Variants in LHFPL3 observed in about 807,000 individuals in gnomAD.
LHFPL3 encodes the protein LHFPL tetraspan subfamily member 3 protein.
Under a neutral mutation model 19.3 loss-of-function variants are expected in LHFPL3, and 5 were observed. The observed-to-expected ratio is 0.26, with a 90% CI of 0.14 to 0.54. The LOEUF (loss-of-function observed/expected upper bound fraction) is 0.54. Among genes scored for constraint, LHFPL3 ranks in the 20% least tolerant of loss-of-function variants. The pLI is 0.94. For missense variants in LHFPL3, 249 were observed against 307.4 expected (o/e 0.81, Z 1.42); for synonymous variants, 133 against 126.2 (o/e 1.05, Z -0.36).
chr7:104,829,174 C>A (rs1331383960), intron 2 of LHFPL3, among the ~76,000 whole-genome samples: 1 of 151,876 alleles, frequency 6.6e-6, no homozygotes, highest in Non-Finnish European at 1.5e-5. Context: ...TTAAGAGCCT[C>A]CCATGAGGAG....
intron 2 of LHFPL3, among the ~76,000 whole-genome samples, chr7:104,868,604 T>C (rs1315233309): frequency 1.3e-5 from 2 of 152,180 alleles, no homozygotes; most frequent in Non-Finnish European, 2.9e-5. Context: ...GAACATTCCA[T>C]GCTCATGGGT....
chr7:104,335,706 A>AGGCTTACTC (rs1789792470), intron 1 of LHFPL3, among the ~76,000 whole-genome samples: 1 of 152,206 alleles, frequency 6.6e-6, no homozygotes. Context: ...GTCTAACCAG[A>AGGCTTACTC]ATGTGGTATC....
At chr7:104,581,327 G>A (rs1790456640) in intron 1 of LHFPL3, among the ~76,000 whole-genome samples, 1 of 152,000 alleles carries the variant, frequency 6.6e-6, no homozygotes, top group Admixed American at 6.6e-5. Flanking sequence ...ATCTATTTTT[G>A]TGAAGTGTTT....
intron 1 of LHFPL3, among the ~76,000 whole-genome samples, chr7:104,450,969 G>A (rs1403491896): frequency 6.6e-6 from 1 of 152,120 alleles, no homozygotes; most frequent in Non-Finnish European, 1.5e-5. Context: ...GAATGGATGT[G>A]GCTCCTACAA....
chr7:104,645,587 A>G (rs1791916566), intron 1 of LHFPL3, among the ~76,000 whole-genome samples: 1 of 151,338 alleles, frequency 6.6e-6, no homozygotes, highest in African/African-American at 2.4e-5. Context: ...AATGTACCAA[A>G]GGTGCATGTC....
intron 1 of LHFPL3, among the ~76,000 whole-genome samples, chr7:104,431,993 T>C (rs1224148279): frequency 1.3e-5 from 2 of 152,182 alleles, no homozygotes; most frequent in African/African-American, 4.8e-5. Flanking sequence ...CCCACTGGGC[T>C]TTGGGCTGCC....
rs11371248 is a variant in LHFPL3, at chr7:104,855,629, CT to C, written c.683-50545del. Reference sequence around the variant, plus strand: ...TCCAAATAACTCCAGATTTTTCTTTCTTTTTTTTTTTTTAGTCGGAGCCTCG... The same window carrying C: ...TCCAAATAACTCCAGATTTTTCTTTCTTTTTTTTTTTTAGTCGGAGCCTCG... On this transcript the variant is annotated intron_variant, in intron 2 of 2. Transcript: ENST00000424859. 7.5e-4 allele frequency among the ~76,000 whole-genome samples: 110 copies of C among 146,066 alleles called. 1 individual carries two copies. Among genetic ancestry groups the C allele is most frequent in the South Asian group, 2.2e-3 (10 of 4,614 alleles).
At chr7:104,667,274 A>G (rs60222968) in intron 1 of LHFPL3, among the ~76,000 whole-genome samples, 4,577 of 144,276 alleles carry the variant, frequency 0.032, 259 homozygotes, top group African/African-American at 0.12. Flanking sequence ...TGGGGGGGGG[A>G]ATCTTTAATT....
chr7:104,644,305 CT>C (rs1341400180), intron 1 of LHFPL3, among the ~76,000 whole-genome samples: 1 of 152,194 alleles, frequency 6.6e-6, no homozygotes, highest in Non-Finnish European at 1.5e-5. Context: ...TCCCATAGCC[CT>C]TGTGCAAACA....
At chr7:104,887,019 C>T (rs1471790041) in intron 2 of LHFPL3, among the ~76,000 whole-genome samples, 2 of 152,220 alleles carry the variant, frequency 1.3e-5, no homozygotes, top group African/African-American at 2.4e-5. Context: ...GAAAGATCTG[C>T]TTTGTGACTT....
chr7:104,331,949 CAAA>C (rs376546691), intron 1 of LHFPL3, among the ~76,000 whole-genome samples: 1 of 131,444 alleles, frequency 7.6e-6, no homozygotes. Context: ...GACCCCATCT[CAAA>C]AAAAAAAAAG....
chr7:104,533,063 T>C (rs941362588), intron 1 of LHFPL3, among the ~76,000 whole-genome samples: 6 of 152,246 alleles, frequency 3.9e-5, no homozygotes, highest in Non-Finnish European at 8.8e-5. Context: ...CATGGCTATA[T>C]ATAATTCAAG....
chr7:104,740,905 C>T (rs1158569634), intron 2 of LHFPL3, among the ~76,000 whole-genome samples: 1 of 152,116 alleles, frequency 6.6e-6, no homozygotes, highest in Non-Finnish European at 1.5e-5. Context: ...TGAATGCTTC[C>T]CAACATTCCA....
chr7:104,581,872 T>C (rs1050577578), intron 1 of LHFPL3, among the ~76,000 whole-genome samples: 3 of 152,012 alleles, frequency 2.0e-5, no homozygotes, highest in African/African-American at 7.2e-5. Flanking sequence ...TACCACACTG[T>C]CTTGATTAAT....
At chr7:104,518,502 A>G (rs1793966600) in intron 1 of LHFPL3, among the ~76,000 whole-genome samples, 1 of 117,030 alleles carries the variant, frequency 8.5e-6, no homozygotes, top group Non-Finnish European at 1.7e-5. Flanking sequence ...TGGTGTTTAA[A>G]TTCTACTACT....
intron 1 of LHFPL3, among the ~76,000 whole-genome samples, chr7:104,541,222 C>T (rs367757658): frequency 6.6e-6 from 1 of 152,030 alleles, no homozygotes; most frequent in East Asian, 1.9e-4. Context: ...GTGTCCTTCC[C>T]ATGGCTCCCA....
intron 1 of LHFPL3, among the ~76,000 whole-genome samples, chr7:104,427,304 T>C (rs1791866500): frequency 6.6e-6 from 1 of 152,222 alleles, no homozygotes; most frequent in Admixed American, 6.5e-5. Context: ...AATATCATTA[T>C]TTCTAAATCT....
intron 1 of LHFPL3, among the ~76,000 whole-genome samples, chr7:104,342,978 A>G (rs1162389441): frequency 1.3e-5 from 2 of 148,572 alleles, no homozygotes; most frequent in Non-Finnish European, 3.0e-5. Flanking sequence ...CTTCTTTTGC[A>G]TATTATTAAA....
intron 1 of LHFPL3, among the ~76,000 whole-genome samples, chr7:104,698,815 T>C (rs1264064890): frequency 1.3e-5 from 2 of 152,202 alleles, no homozygotes; most frequent in African/African-American, 2.4e-5. Context: ...AAGGGATTAA[T>C]AGCCAGAATG....
Sources: gnomAD v4.1 joint callset for allele counts (sites outside exome capture counted in the v4.1 genomes callset) on GRCh38, gnomAD v4.1.1 for gene constraint, MANE v1.5 for transcripts, NCBI Gene and HGNC (gene_info 2026-07-23, HGNC 2026-07-21) for gene names.